Variants in FLI1 observed in about 807,000 individuals in gnomAD.
FLI1 encodes Friend leukemia integration 1 transcription factor.
Under a neutral mutation model 53.1 loss-of-function variants are expected in FLI1, and 13 were observed. The ratio of observed to expected loss-of-function variants is 0.24; its 90% CI spans 0.16 to 0.39. The LOEUF is 0.39. Among genes scored for constraint, FLI1 ranks in the 10% least tolerant of loss-of-function variants. FLI1 has a pLI of 1.00. For missense variants in FLI1, 424 were observed against 600.5 expected (o/e 0.71, Z 3.07); for synonymous variants, 244 against 236.7 (o/e 1.03, Z -0.28).
At position 128,771,856 on chromosome 11, in the gene FLI1, C is replaced by T. The variant is rs115104320; in HGVS notation, c.386-926C>T. Among the ~76,000 whole-genome samples the T allele has an allele frequency of 5.4e-3, 817 of 152,118 alleles. 10 individuals carry two copies. The highest frequency in any genetic ancestry group is 0.019 in the African/African-American group (773 of 41,468). ...GGAATGAGTATTTCTTGAAGGCAAG[C>T]GTCATGTAATTTTCTTCTATGATAA... On this transcript the variant is annotated intron_variant, in intron 3 of 8. Coordinates refer to ENST00000527786, the MANE Select transcript of FLI1 (RefSeq NM_002017.5).
At chr11:128,686,998 G>C (rs1196842161) in intron 1 of FLI1, 1 of 159,938 alleles carries the variant, frequency 6.3e-6, no homozygotes, top group Non-Finnish European at 1.4e-5. Flanking sequence ...AGGTCCCAAC[G>C]GGTGGGGTGC....
chr11:128,798,113 G>A (rs192003427), intron 5 of FLI1, among the ~76,000 whole-genome samples: 1 of 152,270 alleles, frequency 6.6e-6, no homozygotes. Flanking sequence ...TTACCTAAGT[G>A]AACTGTTATG....
intron 1 of FLI1, among the ~76,000 whole-genome samples, chr11:128,749,214 A>G (rs1343804665): frequency 6.6e-6 from 1 of 152,228 alleles, no homozygotes; most frequent in East Asian, 1.9e-4. Flanking sequence ...TCACCTCTAC[A>G]GCCTTTGAAT....
intron 5 of FLI1, among the ~76,000 whole-genome samples, chr11:128,799,987 C>T (rs960641295): frequency 3.9e-5 from 6 of 152,170 alleles, no homozygotes; most frequent in Admixed American, 2.6e-4. Flanking sequence ...CAACAAAGAC[C>T]GCCGCTCACC....
chr11:128,734,169 C>A (rs549716326), intron 1 of FLI1, among the ~76,000 whole-genome samples: 1 of 152,322 alleles, frequency 6.6e-6, no homozygotes, highest in African/African-American at 2.4e-5. Context: ...GGTGGTTAAA[C>A]AGGGGAAGCT....
intron 8 of FLI1, among the ~76,000 whole-genome samples, chr11:128,809,685 G>C (rs577055711): frequency 8.1e-4 from 124 of 152,292 alleles, no homozygotes; most frequent in African/African-American, 2.9e-3. Context: ...ATTTGACCTT[G>C]TACTTTAAAG....
At chr11:128,751,622 G>A (rs1940649097) in intron 1 of FLI1, among the ~76,000 whole-genome samples, 1 of 151,836 alleles carries the variant, frequency 6.6e-6, no homozygotes, top group South Asian at 2.1e-4. Context: ...TGCCTCCCGG[G>A]TTCACGCCAT....
At chr11:128,795,033 G>A (rs1220872361) in intron 5 of FLI1, among the ~76,000 whole-genome samples, 5 of 152,138 alleles carry the variant, frequency 3.3e-5, no homozygotes, top group South Asian at 2.1e-4. Context: ...CCAACATTGC[G>A]CCACTTCACT....
chr11:128,776,834 C>G (rs950225654), intron 4 of FLI1, among the ~76,000 whole-genome samples: 19 of 151,922 alleles, frequency 1.3e-4, no homozygotes, highest in African/African-American at 3.9e-4. Flanking sequence ...CCGACGTTCC[C>G]CCGGCCCTGG....
intron 1 of FLI1, among the ~76,000 whole-genome samples, chr11:128,738,376 CT>C (rs1433054700): frequency 6.6e-6 from 1 of 152,160 alleles, no homozygotes; most frequent in East Asian, 1.9e-4. Context: ...AAGGCCTCAC[CT>C]TTCTCTCATT....
intron 5 of FLI1, among the ~76,000 whole-genome samples, chr11:128,784,745 C>T (rs1252830475): frequency 4.6e-5 from 7 of 152,232 alleles, no homozygotes; most frequent in Non-Finnish European, 1.0e-4. Context: ...CTGCTCTGCT[C>T]TAATCACTAT....
chr11:128,757,405 C>A (rs1565484570), intron 1 of FLI1, among the ~76,000 whole-genome samples: 1 of 152,094 alleles, frequency 6.6e-6, no homozygotes, highest in African/African-American at 2.4e-5. Context: ...CTGGCTGAGT[C>A]ATCAACATTG....
chr11:128,726,514 C>A (rs1324381163), intron 1 of FLI1, among the ~76,000 whole-genome samples: 1 of 152,138 alleles, frequency 6.6e-6, no homozygotes, highest in Non-Finnish European at 1.5e-5. Context: ...ACCAGCCTGG[C>A]TATTTCTCCT....
intron 5 of FLI1, among the ~76,000 whole-genome samples, chr11:128,801,053 A>T (rs1201061580): frequency 6.6e-6 from 1 of 152,264 alleles, no homozygotes; most frequent in African/African-American, 2.4e-5. Flanking sequence ...AAGATCATCA[A>T]CTGGTACACT....
At chr11:128,743,580 T>G (rs1940235757) in intron 1 of FLI1, among the ~76,000 whole-genome samples, 2 of 144,598 alleles carry the variant, frequency 1.4e-5, no homozygotes, top group African/African-American at 2.5e-5. Flanking sequence ...GTTTTTATAA[T>G]GTGGAGATTG....
intron 1 of FLI1, among the ~76,000 whole-genome samples, chr11:128,711,421 C>T (rs1160357695): frequency 6.6e-6 from 1 of 152,202 alleles, no homozygotes; most frequent in East Asian, 1.9e-4. Context: ...ATCATGTTGG[C>T]CTGGGGCTGG....
upstream of FLI1, chr11:128,692,903 G>A (rs1422817498): frequency 6.6e-6 from 1 of 152,262 alleles, no homozygotes; most frequent in Non-Finnish European, 1.5e-5. Context: ...AGGGAGGCGG[G>A]GAGGTCTCCG....
At chr11:128,770,962 C>T (rs993123378) in intron 3 of FLI1, among the ~76,000 whole-genome samples, 6 of 152,138 alleles carry the variant, frequency 3.9e-5, no homozygotes, top group African/African-American at 1.4e-4. Context: ...TGAGGTAAAG[C>T]AGGATGGTGA....
intron 1 of FLI1, among the ~76,000 whole-genome samples, chr11:128,725,493 A>G (rs1478112952): frequency 1.3e-5 from 2 of 152,222 alleles, no homozygotes; most frequent in African/African-American, 4.8e-5. Context: ...AACTACCCCA[A>G]TGCTCAAGTG....
Sources: allele counts gnomAD v4.1 joint callset (sites outside exome capture counted in the v4.1 genomes callset), GRCh38; gene constraint gnomAD v4.1.1; transcripts MANE v1.5; gene names NCBI Gene and HGNC (gene_info 2026-07-23, HGNC 2026-07-21).